Variants in SLC5A7 observed in about 807,000 individuals in gnomAD.
SLC5A7 encodes the protein high affinity choline transporter 1.
A neutral mutation model predicts 55.4 loss-of-function variants in SLC5A7; 19 were observed. That is an observed-to-expected ratio of 0.34 (90% CI 0.24 to 0.50). The LOEUF is 0.50. Among genes scored for constraint, SLC5A7 ranks in the 20% least tolerant of loss-of-function variants. SLC5A7 has a pLI of 0.98. For missense variants in SLC5A7, 506 were observed against 705.3 expected, an observed-to-expected ratio of 0.72 and a Z score of 3.20; for synonymous variants, 265 against 263.7, an observed-to-expected ratio of 1.00 and a Z score of -0.05.
At chr2:108,008,079 A>C (rs2104378246) in intron 7 of SLC5A7, among the ~76,000 whole-genome samples, 1 of 152,328 alleles carries the variant, frequency 6.6e-6, no homozygotes, top group Admixed American at 6.5e-5. Flanking sequence ...TTCTTCATTT[A>C]CACATGAATA....
intron 2 of SLC5A7, among the ~76,000 whole-genome samples, chr2:107,991,827 T>G (rs1265431511): frequency 6.6e-6 from 1 of 152,142 alleles, no homozygotes. Flanking sequence ...TAATGTTACA[T>G]TTTCTACAAA....
At chr2:107,995,121 C>T (rs1469778304) in intron 4 of SLC5A7, among the ~76,000 whole-genome samples, 1 of 152,062 alleles carries the variant, frequency 6.6e-6, no homozygotes, top group African/African-American at 2.4e-5. Context: ...TTACACAAAC[C>T]GAGTTGGTAG....
rs918632989 is a variant in SLC5A7 at position 108,012,973 on chromosome 2, A to C, written c.*2112A>C. 4 of 152,100 alleles carry C rather than the reference A, an allele frequency of 2.6e-5. No individual in the cohort carries two copies. Among genetic ancestry groups the C allele is most frequent in the African/African-American group, 9.7e-5 (4 of 41,410 alleles). The allele number at this position is 152,100 out of a possible 1,614,324, so 9.4% of individuals were successfully genotyped here. On this transcript the variant is annotated 3_prime_UTR_variant, in exon 9 of 9. Transcript: ENST00000264047. ...TCCTGTCACCCTGAGCATCTGTCTC[A>C]ACCTGCTGAGGCACAGACTTCCACC...
At chr2:108,009,462 AC>A (rs901673834) in intron 8 of SLC5A7, among the ~76,000 whole-genome samples, 4 of 150,410 alleles carry the variant, frequency 2.7e-5, no homozygotes, top group African/African-American at 4.9e-5. Context: ...TCCTTGCACC[AC>A]CCCCCACGCC....
In SLC5A7 at chr2:107,992,097, C is replaced by G; in HGVS notation, c.179-9C>G. The stretch of plus-strand genomic sequence containing the variant: ...CAGTATCACTCCCTCACTTTTCATT[C>G]TGTTTCAGCTACCTGGGTCGGAGGA... On this transcript the variant is annotated splice_polypyrimidine_tract_variant and intron_variant, in intron 2 of 8. Coordinates refer to ENST00000264047, the MANE Select transcript of SLC5A7 (RefSeq NM_021815.5). 6.3e-7 allele frequency: 1 copy of G among 1,590,946 alleles called. No individual in the cohort carries two copies. Among genetic ancestry groups the G allele is most frequent in the Non-Finnish European group, 8.6e-7 (1 of 1,159,614 alleles).
intron 6 of SLC5A7, among the ~76,000 whole-genome samples, chr2:108,004,607 T>G (rs1020466561): frequency 5.1e-4 from 77 of 152,362 alleles, no homozygotes; most frequent in African/African-American, 1.8e-3. Context: ...AATATTGACT[T>G]TATGCCAGAA....
intron 5 of SLC5A7, among the ~76,000 whole-genome samples, chr2:107,999,379 C>T (rs1013258895): frequency 6.6e-6 from 1 of 152,086 alleles, no homozygotes. Context: ...GAAACACAAC[C>T]CCAGGGAATG....
intron 6 of SLC5A7, among the ~76,000 whole-genome samples, chr2:108,005,204 C>T (rs753234407): frequency 7.9e-5 from 12 of 152,146 alleles, no homozygotes; most frequent in Non-Finnish European, 1.6e-4. Flanking sequence ...ATGCTCACTG[C>T]GGAAAACACC....
intron 7 of SLC5A7, among the ~76,000 whole-genome samples, chr2:108,006,874 A>T (rs2104375538): frequency 6.6e-6 from 1 of 152,248 alleles, no homozygotes; most frequent in Non-Finnish European, 1.5e-5. Flanking sequence ...TCTGCTTTAC[A>T]CCTTTAGTAG....
chr2:108,010,987 T>C lies in SLC5A7; in HGVS notation c.*126T>C. The C allele has an allele frequency of 9.4e-7, 1 of 1,064,194 alleles. No homozygotes were observed. The allele number at this position is 1,064,194 out of a possible 1,614,324, so 65.9% of individuals were successfully genotyped here. A position where few individuals can be genotyped will look rare whatever the true frequency, so the allele number is the denominator to read the frequency against. Reference sequence around the variant, plus strand: ...CAATGTTCAGGAGAGTAAAAATTCATATAAAGTGCAATTGCACAAATACAA... The same window carrying C: ...CAATGTTCAGGAGAGTAAAAATTCACATAAAGTGCAATTGCACAAATACAA... On this transcript the variant is annotated 3_prime_UTR_variant, in exon 9 of 9. Transcript: ENST00000264047.
chr2:107,989,644 A>T (rs567805722), intron 2 of SLC5A7, among the ~76,000 whole-genome samples: 1 of 152,326 alleles, frequency 6.6e-6, no homozygotes, highest in Non-Finnish European at 1.5e-5. Flanking sequence ...AAATGCAAGT[A>T]CTGCGTCATG....
chr2:108,002,751 T>G (rs1677963290), intron 6 of SLC5A7, among the ~76,000 whole-genome samples: 1 of 152,158 alleles, frequency 6.6e-6, no homozygotes, highest in African/African-American at 2.4e-5. Context: ...GTGTGGTGGC[T>G]CACCCTGGTA....
intron 7 of SLC5A7, among the ~76,000 whole-genome samples, chr2:108,008,220 G>A (rs1285615881): frequency 6.6e-6 from 1 of 152,162 alleles, no homozygotes; most frequent in Non-Finnish European, 1.5e-5. Context: ...ATTGCAGAAA[G>A]GAAATATATA....
At chr2:107,997,551 AT>A (rs1454175161) in intron 4 of SLC5A7, among the ~76,000 whole-genome samples, 5 of 152,192 alleles carry the variant, frequency 3.3e-5, no homozygotes, top group African/African-American at 1.2e-4. Flanking sequence ...ATGTAATTAA[AT>A]TTCTCAGTAA....
At chr2:108,009,608 C>T (rs896633631) in intron 8 of SLC5A7, among the ~76,000 whole-genome samples, 1 of 152,124 alleles carries the variant, frequency 6.6e-6, no homozygotes, top group Non-Finnish European at 1.5e-5. Context: ...TGATGGCTTC[C>T]ACCTTCATCC....
At position 108,008,603 on chromosome 2, in the gene SLC5A7, T is replaced by C; in HGVS notation, c.1034T>C (p.Met345Thr). Residue 345 changes from methionine to threonine, a missense_variant, in exon 8 of 9, where the codon ATG becomes ACG. Physicochemically the swap from Met to Thr is moderately conservative, Grantham distance 81. Coordinates refer to ENST00000264047, the MANE Select transcript of SLC5A7 (RefSeq NM_021815.5). ...CTTGGTGCAGTTTCTGCTGCTGTTA[T>C]GTCATCAGCAGATTCTTCCATCTTG... ...FGLGAVSAAV[M>T]SSADSSILSA... 1 of 1,613,670 alleles carries C rather than the reference T, an allele frequency of 6.2e-7. No individual in the cohort carries two copies. The highest frequency in any genetic ancestry group is 8.5e-7 in the Non-Finnish European group (1 of 1,179,864).
In SLC5A7 at chr2:107,988,894, C is replaced by A. The variant is rs372940302; in HGVS notation, c.178+561C>A. Reference sequence around the variant, plus strand: ...TAATAACTAATTCCTCACAGGAAGACAATCACATGTTATGAGTCCACAGCA... The same window carrying A: ...TAATAACTAATTCCTCACAGGAAGAAAATCACATGTTATGAGTCCACAGCA... On this transcript the variant is annotated intron_variant, in intron 2 of 8. Transcript: ENST00000264047. Among the ~76,000 whole-genome samples, 38 of 152,254 alleles carry A rather than the reference C, an allele frequency of 2.5e-4. 1 individual carries two copies. The South Asian group carries it at 7.5e-3, about 30-fold the overall frequency.
At chr2:108,008,021 A>C (rs2104378094) in intron 7 of SLC5A7, among the ~76,000 whole-genome samples, 1 of 152,288 alleles carries the variant, frequency 6.6e-6, no homozygotes, top group Admixed American at 6.5e-5. Flanking sequence ...TTCAAAACCA[A>C]GTTTATGTAC....
chr2:107,997,569 G>T (rs1251733582), intron 4 of SLC5A7, among the ~76,000 whole-genome samples: 1 of 152,136 alleles, frequency 6.6e-6, no homozygotes, highest in Middle Eastern at 3.2e-3. Flanking sequence ...GTAATTCAGG[G>T]TCTTCTATAA....
Sources: allele counts gnomAD v4.1 joint callset (sites outside exome capture counted in the v4.1 genomes callset), GRCh38; gene constraint gnomAD v4.1.1; transcripts MANE v1.5; gene names NCBI Gene and HGNC (gene_info 2026-07-23, HGNC 2026-07-21).